The following FBXL13 variants were observed in gnomAD, a reference collection of about 807,000 sequenced individuals.
FBXL13 encodes the protein F-box and leucine-rich repeat protein 13.
In FBXL13, 67 loss-of-function variants were observed where a neutral mutation model predicts 83.6. That is an observed-to-expected ratio of 0.80 (90% CI 0.66 to 0.98). FBXL13 has a LOEUF of 0.98. FBXL13 is among the 50% of genes least tolerant of loss of function. FBXL13 has a pLI of 0.00. For missense variants in FBXL13, 822 were observed against 866.5 expected, an observed-to-expected ratio of 0.95 and a Z score of 0.64; for synonymous variants, 272 against 299.5, an observed-to-expected ratio of 0.91 and a Z score of 0.95.
At chr7:102,826,765 A>ATATATATC in intron 18 of FBXL13, among the ~76,000 whole-genome samples, 1 of 114,846 alleles carries the variant, frequency 8.7e-6, no homozygotes, top group East Asian at 3.0e-4. Flanking sequence ...ATATATATAT[A>ATATATATC]TATATATGTA....
intron 17 of FBXL13, among the ~76,000 whole-genome samples, chr7:102,851,510 TTTC>T (rs963598940): frequency 2.8e-5 from 4 of 145,182 alleles, no homozygotes; most frequent in Non-Finnish European, 6.0e-5. Context: ...TCCTTCTTCT[TTTC>T]TTCTTCCTCC....
In FBXL13 at chr7:102,847,251, T is replaced by A. The variant is rs564924752; in HGVS notation, c.1719+7526A>T. Among the ~76,000 whole-genome samples, 7 of 151,812 alleles carry A rather than the reference T, an allele frequency of 4.6e-5. No individual in the cohort carries two copies. In the East Asian group the frequency reaches 1.4e-3, roughly 29 times the overall value. On this transcript the variant is annotated intron_variant, in intron 17 of 19. Coordinates refer to ENST00000313221, the Ensembl canonical transcript of FBXL13. ...CCCTGCTCTAGGGTGCAAGCTCCTG[T>A]CTGCTTCACAATTGTAGTCACTGTA...
intron 18 of FBXL13, among the ~76,000 whole-genome samples, chr7:102,824,806 T>C (rs911243078): frequency 9.3e-5 from 11 of 118,394 alleles, no homozygotes; most frequent in African/African-American, 3.5e-4. Flanking sequence ...TTTTTTTTTT[T>C]CCGAGTTGGG....
intron 9 of FBXL13, among the ~76,000 whole-genome samples, chr7:102,927,695 G>T (rs1226232552): frequency 6.6e-6 from 1 of 152,162 alleles, no homozygotes; most frequent in Admixed American, 6.5e-5. Flanking sequence ...GGCCAGTGCA[G>T]AGCTTTTGAT....
intron 6 of FBXL13, among the ~76,000 whole-genome samples, chr7:102,995,478 C>CAAA (rs1158263069): frequency 1.7e-4 from 5 of 28,600 alleles, no homozygotes; most frequent in Admixed American, 4.7e-4. Context: ...GACTCCATCT[C>CAAA]AAAAAAAAAA....
intron 8 of FBXL13, among the ~76,000 whole-genome samples, chr7:102,945,975 G>A (rs765831530): frequency 3.3e-5 from 5 of 152,190 alleles, no homozygotes; most frequent in Middle Eastern, 3.4e-3. Flanking sequence ...TACGCCTTCC[G>A]GGTTCAAGCG....
chr7:103,049,489 A>T (rs1796598660), intron 2 of FBXL13, among the ~76,000 whole-genome samples: 1 of 152,244 alleles, frequency 6.6e-6, no homozygotes, highest in Non-Finnish European at 1.5e-5. Context: ...TTATACAAAC[A>T]TTACACACAC....
chr7:102,992,767 T>G (rs1034154160), intron 6 of FBXL13, among the ~76,000 whole-genome samples: 25 of 152,098 alleles, frequency 1.6e-4, no homozygotes, highest in Non-Finnish European at 1.6e-4. Flanking sequence ...CCAGCACATC[T>G]GGCTAATTTT....
intron 16 of FBXL13, among the ~76,000 whole-genome samples, chr7:102,867,494 G>C (rs1040481689): frequency 6.6e-6 from 1 of 151,534 alleles, no homozygotes; most frequent in South Asian, 2.1e-4. Flanking sequence ...GGAGCTGTAG[G>C]AGAGTCAGTT....
At chr7:103,023,761 G>T (rs1793500662) in intron 6 of FBXL13, among the ~76,000 whole-genome samples, 1 of 152,006 alleles carries the variant, frequency 6.6e-6, no homozygotes, top group Admixed American at 6.6e-5. Flanking sequence ...TTTAAAATGT[G>T]GTATATATAT....
At chr7:102,868,236 A>G (rs1186193686) in intron 16 of FBXL13, among the ~76,000 whole-genome samples, 1 of 152,148 alleles carries the variant, frequency 6.6e-6, no homozygotes, top group Non-Finnish European at 1.5e-5. Context: ...CCTGCTGTGC[A>G]ATAGAACACT....
At chr7:103,017,937 A>C (rs1196381488) in intron 6 of FBXL13, among the ~76,000 whole-genome samples, 1 of 152,210 alleles carries the variant, frequency 6.6e-6, no homozygotes, top group African/African-American at 2.4e-5. Flanking sequence ...CAATCTAGCA[A>C]GGCAGGCCAA....
chr7:103,040,522 C>A (rs893434257), intron 2 of FBXL13, among the ~76,000 whole-genome samples: 1 of 152,200 alleles, frequency 6.6e-6, no homozygotes, highest in Non-Finnish European at 1.5e-5. Context: ...AGAATATACA[C>A]TCTTCTGAGC....
upstream of FBXL13, chr7:103,074,785 C>A (rs1054477168): frequency 3.1e-6 from 4 of 1,288,574 alleles, no homozygotes; most frequent in South Asian, 3.7e-5. Context: ...CAAGGCCTGA[C>A]GGAGAAGCTG....
intron 11 of FBXL13, among the ~76,000 whole-genome samples, chr7:102,894,107 C>T (rs1307937938): frequency 6.6e-6 from 1 of 152,198 alleles, no homozygotes; most frequent in Non-Finnish European, 1.5e-5. Context: ...GTACATTCAT[C>T]CCTGGACATG....
At chr7:102,991,164 T>C (rs1004485907) in intron 6 of FBXL13, among the ~76,000 whole-genome samples, 2 of 151,938 alleles carry the variant, frequency 1.3e-5, no homozygotes, top group Non-Finnish European at 1.5e-5. Context: ...AATTACATGC[T>C]AAAAAGAAAA....
chr7:103,074,458 TG>T (rs756279757), exon 1 of FBXL13: 101 of 1,127,928 alleles, frequency 9.0e-5, no homozygotes, highest in Non-Finnish European at 1.1e-4. Flanking sequence ...CCCTGGGAGA[TG>T]TCACCCATTC....
At chr7:103,022,395 C>T (rs1311783632) in intron 6 of FBXL13, among the ~76,000 whole-genome samples, 2 of 151,802 alleles carry the variant, frequency 1.3e-5, no homozygotes, top group South Asian at 2.1e-4. Flanking sequence ...CGAGTTAATG[C>T]GTGCAGCACA....
intron 1 of FBXL13, among the ~76,000 whole-genome samples, chr7:103,059,439 T>A (rs993738124): frequency 6.6e-6 from 1 of 152,040 alleles, no homozygotes; most frequent in African/African-American, 2.4e-5. Flanking sequence ...CCAATGAAAA[T>A]AAAAATCACA....
Sources: allele counts gnomAD v4.1 joint callset (sites outside exome capture counted in the v4.1 genomes callset), GRCh38; gene constraint gnomAD v4.1.1; transcripts MANE v1.5; gene names NCBI Gene and HGNC (gene_info 2026-07-23, HGNC 2026-07-21).